Variants in BRAF observed in about 807,000 individuals in gnomAD.
BRAF encodes serine/threonine-protein kinase B-raf.
A neutral mutation model predicts 104.6 loss-of-function variants in BRAF; 16 were observed. The observed-to-expected ratio is 0.15, with a 90% CI of 0.10 to 0.23. BRAF has a LOEUF of 0.23. Among genes scored for constraint, BRAF ranks in the 10% least tolerant of loss-of-function variants. The pLI is 1.00. For synonymous variants in BRAF, 310 were observed against 341.6 expected, an observed-to-expected ratio of 0.91 and a Z score of 1.02; for missense variants, 541 against 937.3, an observed-to-expected ratio of 0.58 and a Z score of 5.52.
intron 1 of BRAF, among the ~76,000 whole-genome samples, chr7:140,888,584 A>C (rs11981790): frequency 0.3 from 45,650 of 151,978 alleles, 10,947 homozygotes; most frequent in African/African-American, 0.67. Context: ...CACCTGTAAT[A>C]CCAGCACTCT....
At chr7:140,915,618 T>C (rs1817540173) in intron 1 of BRAF, among the ~76,000 whole-genome samples, 1 of 151,950 alleles carries the variant, frequency 6.6e-6, no homozygotes, top group Non-Finnish European at 1.5e-5. Context: ...GCATTTTTAG[T>C]AGAGACGGAG....
chr7:140,864,698 G>A (rs1014139952), intron 1 of BRAF, among the ~76,000 whole-genome samples: 14 of 152,334 alleles, frequency 9.2e-5, no homozygotes, highest in Non-Finnish European at 1.6e-4. Flanking sequence ...GTGGCTAGAA[G>A]ACATTAGGAA....
chr7:140,718,297 T>C (rs1795181153), downstream of BRAF, among the ~76,000 whole-genome samples: 1 of 152,058 alleles, frequency 6.6e-6, no homozygotes, highest in South Asian at 2.1e-4. Context: ...TTTGCTCTTG[T>C]TGCCCAGGCT....
intron 3 of BRAF, among the ~76,000 whole-genome samples, chr7:140,826,287 CT>C (rs1238145715): frequency 2.6e-5 from 4 of 152,174 alleles, no homozygotes. Flanking sequence ...TATGTTCACT[CT>C]TTTTTCCTAG....
chr7:140,813,585 T>C (rs1464766546), intron 3 of BRAF, among the ~76,000 whole-genome samples: 1 of 152,214 alleles, frequency 6.6e-6, no homozygotes, highest in Admixed American at 6.5e-5. Context: ...CAGTACTGAC[T>C]GTATATCAAA....
chr7:140,770,120 C>T lies in BRAF; in HGVS notation c.1814+6792G>A, dbSNP rs181334516. Among the ~76,000 whole-genome samples, 536 of 152,164 alleles carry T rather than the reference C, an allele frequency of 3.5e-3. 13 individuals are homozygous for T. The highest frequency in any genetic ancestry group is 8.7e-4 in the Non-Finnish European group (59 of 68,012). On this transcript the variant is annotated intron_variant, in intron 14 of 19. Coordinates refer to ENST00000644969, the MANE Select transcript of BRAF (RefSeq NM_001374258.1). ...AATTCCAGTGGGTGGAAAGTGGTAC[C>T]TTTTTGTTTTACCTTGCATTTTCTG...
chr7:140,865,125 G>C (rs776891911), intron 1 of BRAF, among the ~76,000 whole-genome samples: 2 of 151,644 alleles, frequency 1.3e-5, no homozygotes, highest in African/African-American at 4.9e-5. Flanking sequence ...TGTTGCCCAG[G>C]CCAGAGAGCA....
intron 14 of BRAF, among the ~76,000 whole-genome samples, chr7:140,767,768 C>T (rs1409920201): frequency 6.6e-6 from 1 of 152,128 alleles, no homozygotes; most frequent in Non-Finnish European, 1.5e-5. Flanking sequence ...GTACCTGGGG[C>T]AAGTTACTTG....
intron 14 of BRAF, among the ~76,000 whole-genome samples, chr7:140,766,015 G>C (rs1799281420): frequency 6.6e-6 from 1 of 150,924 alleles, no homozygotes; most frequent in Admixed American, 6.6e-5. Flanking sequence ...GTTTATTGCG[G>C]CACTATTCAC....
Position 140,840,908 on chromosome 7 carries a change from T to C in BRAF, c.241-6036A>G, listed in dbSNP as rs551467075. Reference sequence around the variant, plus strand: ...TTTTGTATTTTTTGTAGAGACGGGGTTTCGCCATGTTGCCTAGGCTGATCT... The same window carrying C: ...TTTTGTATTTTTTGTAGAGACGGGGCTTCGCCATGTTGCCTAGGCTGATCT... On this transcript the variant is annotated intron_variant, in intron 2 of 19. Transcript: ENST00000644969. Among the ~76,000 whole-genome samples, 4 of 151,494 alleles carry C rather than the reference T, an allele frequency of 2.6e-5. No homozygotes were observed. The South Asian group carries it at 8.4e-4, about 32-fold the overall frequency.
chr7:140,871,135 G>A (rs922569519), intron 1 of BRAF, among the ~76,000 whole-genome samples: 3 of 146,024 alleles, frequency 2.1e-5, no homozygotes, highest in Non-Finnish European at 4.6e-5. Flanking sequence ...CCAGGTACTC[G>A]GGAGGGTGAC....
chr7:140,881,974 T>C (rs917707291), intron 1 of BRAF, among the ~76,000 whole-genome samples: 31 of 152,194 alleles, frequency 2.0e-4, no homozygotes, highest in African/African-American at 5.8e-4. Context: ...TTTGAAATAT[T>C]GCAAGAATTA....
chr7:140,723,496 TC>T lies in BRAF; in HGVS notation c.*2997del. On this transcript the variant is annotated 3_prime_UTR_variant, in exon 20 of 20. Coordinates refer to ENST00000644969, the MANE Select transcript of BRAF (RefSeq NM_001374258.1). ...AGAATTTGACAGCTAGACAGAATCT[TC>T]TTTTAAGGTGCACATTAACAACAAA... The T allele has an allele frequency of 7.6e-6, 8 of 1,053,492 alleles. No homozygotes were observed. The highest frequency in any genetic ancestry group is 9.2e-6 in the Non-Finnish European group (8 of 872,050). 65.3% of individuals were successfully genotyped at this position (1,053,492 alleles called of 1,614,324 possible).
intron 1 of BRAF, among the ~76,000 whole-genome samples, chr7:140,919,517 A>T (rs10232600): frequency 1.3e-5 from 2 of 151,710 alleles, no homozygotes; most frequent in Non-Finnish European, 2.9e-5. Flanking sequence ...CTCAGAGGGT[A>T]GGGGGGAAAA....
At chr7:140,825,266 C>T (rs981904570) in intron 3 of BRAF, among the ~76,000 whole-genome samples, 1 of 152,130 alleles carries the variant, frequency 6.6e-6, no homozygotes, top group Non-Finnish European at 1.5e-5. Flanking sequence ...CCGCACCCAG[C>T]CATTTGTTTT....
chr7:140,747,948 C>A (rs920919809), intron 17 of BRAF, among the ~76,000 whole-genome samples: 5 of 152,178 alleles, frequency 3.3e-5, no homozygotes, highest in Admixed American at 6.5e-5. Flanking sequence ...CATGTTGTTA[C>A]ACACTCAAAG....
At chr7:140,916,456 AATGAAG>A (rs1362938070) in intron 1 of BRAF, among the ~76,000 whole-genome samples, 11 of 152,262 alleles carry the variant, frequency 7.2e-5, no homozygotes, top group African/African-American at 2.7e-4. Flanking sequence ...GAACTCTTCT[AATGAAG>A]ATGGAGAATA....
chr7:140,886,254 C>T (rs1813551653), intron 1 of BRAF, among the ~76,000 whole-genome samples: 1 of 152,158 alleles, frequency 6.6e-6, no homozygotes, highest in African/African-American at 2.4e-5. Flanking sequence ...TTCTCTCTGA[C>T]CTACTACTTA....
intron 1 of BRAF, among the ~76,000 whole-genome samples, chr7:140,916,846 A>G (rs1379738351): frequency 6.6e-6 from 1 of 152,232 alleles, no homozygotes; most frequent in Non-Finnish European, 1.5e-5. Context: ...GAAATTAAAA[A>G]GTCAAAGTTC....
Sources: allele counts gnomAD v4.1 joint callset (sites outside exome capture counted in the v4.1 genomes callset), GRCh38; gene constraint gnomAD v4.1.1; transcripts MANE v1.5; gene names NCBI Gene and HGNC (gene_info 2026-07-23, HGNC 2026-07-21).